NDUFB2: variants seen among roughly 807,000 people sequenced by gnomAD.
NDUFB2 encodes the protein NADH:ubiquinone oxidoreductase subunit B2.
A neutral mutation model predicts 13.4 loss-of-function variants in NDUFB2; 13 were observed. The observed-to-expected ratio is 0.97, with a 90% confidence interval of 0.63 to 1.54. The LOEUF (loss-of-function observed/expected upper bound fraction) is 1.54. Among genes scored for constraint, NDUFB2 ranks in the 40% most tolerant of loss-of-function variants. The pLI, the probability that NDUFB2 is intolerant of heterozygous loss-of-function variation, is 0.00. For missense variants in NDUFB2, 150 were observed against 139.7 expected, an observed-to-expected ratio of 1.07 and a Z score of -0.37; for synonymous variants, 47 against 50.6, an observed-to-expected ratio of 0.93 and a Z score of 0.30.
rs746594099 is a variant in NDUFB2 at position 140,702,847 on chromosome 7, A to G, written c.99-19A>G. The G allele has an allele frequency of 5.0e-6, 8 of 1,613,536 alleles. No individual in the cohort carries two copies. The highest frequency in any genetic ancestry group is 2.2e-5 in the East Asian group (1 of 44,854). On this transcript the variant is annotated intron_variant, in intron 1 of 3. Transcript: ENST00000247866. ...TTGAGAATGTAGCACGCTGTCTGCC[A>G]TGTTGTTTTGTCTTGCAGTGCCGGT...
intron 1 of NDUFB2, among the ~76,000 whole-genome samples, chr7:140,701,465 T>C (rs1794896403): frequency 6.6e-6 from 1 of 151,760 alleles, no homozygotes; most frequent in Admixed American, 6.6e-5. Context: ...AAAAAAAATA[T>C]AAAAATTAGC....
chr7:140,699,269 T>C (rs1794863891), intron 1 of NDUFB2, among the ~76,000 whole-genome samples: 1 of 152,242 alleles, frequency 6.6e-6, no homozygotes, highest in Non-Finnish European at 1.5e-5. Flanking sequence ...GGATGTTGTT[T>C]CTTCCCCATT....
intron 1 of NDUFB2, among the ~76,000 whole-genome samples, chr7:140,698,925 A>G (rs1794857508): frequency 6.6e-6 from 1 of 152,204 alleles, no homozygotes; most frequent in African/African-American, 2.4e-5. Flanking sequence ...TGAGAGGCTG[A>G]GGCGGGCGGA....
intron 1 of NDUFB2, among the ~76,000 whole-genome samples, chr7:140,702,330 A>G (rs761531502): frequency 6.6e-6 from 1 of 152,218 alleles, no homozygotes; most frequent in Non-Finnish European, 1.5e-5. Flanking sequence ...AAGTGTCTGA[A>G]TGAAAAGAAG....
intron 1 of NDUFB2, among the ~76,000 whole-genome samples, chr7:140,702,328 G>C (rs1794909364): frequency 6.6e-6 from 1 of 152,134 alleles, no homozygotes; most frequent in Non-Finnish European, 1.5e-5. Context: ...TCAAGTGTCT[G>C]AATGAAAAGA....
chr7:140,698,061 T>C, intron 1 of NDUFB2: 1 of 1,314,292 alleles, frequency 7.6e-7, no homozygotes, highest in Non-Finnish European at 1.0e-6. Context: ...TCTTTAACTG[T>C]TGTTGTTATT....
chr7:140,706,105 G>GTTATGTTATGT (rs1563216407), intron 3 of NDUFB2: 1 of 150,232 alleles, frequency 6.7e-6, no homozygotes, highest in African/African-American at 2.5e-5. Flanking sequence ...GTTATGTTAT[G>GTTATGTTATGT]TTATTTGAGA....
intron 2 of NDUFB2, among the ~76,000 whole-genome samples, chr7:140,704,223 C>G (rs897135785): frequency 6.6e-6 from 1 of 152,204 alleles, no homozygotes; most frequent in African/African-American, 2.4e-5. Context: ...GGAAAAAAAT[C>G]TTAAGCAGTA....
rs1794915046 is a variant in NDUFB2, at chr7:140,702,859, C to CAA, written c.99-7_99-6insAA. ...CACGCTGTCTGCCATGTTGTTTTGT[C>CAA]TTGCAGTGCCGGTGGTGGTGTGCAC... On this transcript the variant is annotated splice_polypyrimidine_tract_variant and splice_region_variant and intron_variant, in intron 1 of 3. Transcript: ENST00000247866. 1 of 1,613,816 alleles carries CAA rather than the reference C, an allele frequency of 6.2e-7. No homozygotes were observed. Among genetic ancestry groups the CAA allele is most frequent in the Admixed American group, 1.7e-5 (1 of 59,978 alleles).
chr7:140,699,313 C>CT (rs1351628938), intron 1 of NDUFB2, among the ~76,000 whole-genome samples: 1 of 152,070 alleles, frequency 6.6e-6, no homozygotes, highest in Non-Finnish European at 1.5e-5. Context: ...CTGATAGTGT[C>CT]TTACTTCCTT....
Position 140,702,901 on chromosome 7 carries a change from G to A in NDUFB2, c.134G>A (p.Arg45Lys), listed in dbSNP as rs762686600. Residue 45 changes from arginine to lysine, a missense_variant, in exon 2 of 4, where the codon AGA becomes AAA. Transcript: ENST00000247866. ...GGTGTGCACATTGAGCCCCGGTATAGACAGTTCCCCCAGCTGACCAGATCC... is the reference window on the plus strand; with the variant it reads ...GGTGTGCACATTGAGCCCCGGTATAAACAGTTCCCCCAGCTGACCAGATCC... ...GGGVHIEPRY[R>K]QFPQLTRSQV... is the part of the protein sequence containing the mutation. 2.5e-6 allele frequency: 4 copies of A among 1,614,000 alleles called. No individual in the cohort carries two copies. The highest frequency in any genetic ancestry group is 2.5e-6 in the Non-Finnish European group (3 of 1,180,028).
chr7:140,698,162 C>T (rs1441924371), intron 1 of NDUFB2: 8 of 1,351,992 alleles, frequency 5.9e-6, no homozygotes, highest in Non-Finnish European at 7.8e-6. Context: ...GTGGGGTGGG[C>T]AGAAGGCAAA....
intron 1 of NDUFB2, among the ~76,000 whole-genome samples, chr7:140,698,449 T>C (rs78319133): frequency 0.041 from 6,203 of 152,208 alleles, 170 homozygotes; most frequent in Middle Eastern, 0.078. Flanking sequence ...AAGACCTTTT[T>C]TGAGTACTGT....
chr7:140,703,463 C>T (rs933885376), intron 2 of NDUFB2, among the ~76,000 whole-genome samples: 1 of 151,894 alleles, frequency 6.6e-6, no homozygotes, highest in Non-Finnish European at 1.5e-5. Context: ...TTAGTAGAGA[C>T]GGGGTTTCAC....
At chr7:140,696,894 G>T in intron 1 of NDUFB2, 52 bp downstream of exon 1, 1 of 1,516,806 alleles carries the variant, frequency 6.6e-7, no homozygotes. Flanking sequence ...CGGACAGCGC[G>T]GGTCCCTGGG....
intron 1 of NDUFB2, among the ~76,000 whole-genome samples, chr7:140,698,754 G>A (rs1287588196): frequency 6.6e-6 from 1 of 152,118 alleles, no homozygotes; most frequent in Non-Finnish European, 1.5e-5. Flanking sequence ...GACAAGTGTG[G>A]GGGCCGGATT....
chr7:140,706,060 T>TATGTGTTATG (rs1402496959), intron 3 of NDUFB2: 49 of 125,120 alleles, frequency 3.9e-4, no homozygotes, highest in African/African-American at 1.7e-3. Flanking sequence ...TATGTTATGT[T>TATGTGTTATG]TTATGTTATG....
intron 1 of NDUFB2, chr7:140,701,158 G>C (rs1794891596): frequency 6.6e-6 from 1 of 152,132 alleles, no homozygotes; most frequent in South Asian, 2.1e-4. Context: ...TTATCATGCT[G>C]GTTGGAATTC....
In NDUFB2 at chr7:140,696,826, G is replaced by A; in HGVS notation, c.82G>A (p.Asp28Asn). ...FRSGCARTAG[D>N]GGVRHAGGGV... ...AAGCGGCTGCGCACGGACTGCTGGA[G>A]ATGGTGGAGTCCGTCAGTGAGTGTG... Residue 28 changes from aspartate (D) to asparagine (N), a missense_variant, in exon 1 of 4, where the codon GAT becomes AAT. By Grantham distance (23) the Asp-to-Asn change is conservative (BLOSUM62 1). Coordinates refer to ENST00000247866, the MANE Select transcript of NDUFB2 (RefSeq NM_004546.3). The A allele has an allele frequency of 2.5e-6, 4 of 1,608,340 alleles. No individual in the cohort carries two copies. In the Admixed American group the frequency reaches 6.7e-5, roughly 27 times the overall value.
Sources: allele counts gnomAD v4.1 joint callset (sites outside exome capture counted in the v4.1 genomes callset), GRCh38; gene constraint gnomAD v4.1.1; transcripts MANE v1.5; gene names NCBI Gene and HGNC (gene_info 2026-07-23, HGNC 2026-07-21).